The following ZNG1B variants were observed in gnomAD, a reference collection of about 807,000 sequenced individuals.
ZNG1B encodes zinc-regulated GTPase metalloprotein activator 1B.
At chr2:113,455,644 G>A in the ZNG1B span, 1 of 1,286,808 alleles carries the variant, frequency 7.8e-7, no homozygotes, top group Non-Finnish European at 1.0e-6. Context: ...GCCCAAAGCA[G>A]TAATTTCTTA....
the ZNG1B span, chr2:113,482,035 G>A: frequency 0.013 from 13,466 of 1,017,932 alleles, 919 homozygotes; most frequent in African/African-American, 0.17. Flanking sequence ...TGGAATTTGC[G>A]AACAACTTGT....
chr2:113,457,091 C>T, the ZNG1B span: 1 of 454,744 alleles, frequency 2.2e-6, no homozygotes, highest in East Asian at 6.9e-5. Context: ...CTTAAAATGA[C>T]AGCTCTCTAT....
chr2:113,443,295 T>C, the ZNG1B span, among the ~76,000 whole-genome samples: 2 of 151,732 alleles, frequency 1.3e-5, no homozygotes, highest in East Asian at 3.9e-4. Context: ...TGAACTAGGG[T>C]TTTTACTCAT....
chr2:113,476,056 G>T, the ZNG1B span, among the ~76,000 whole-genome samples: 1 of 151,856 alleles, frequency 6.6e-6, no homozygotes, highest in African/African-American at 2.4e-5. Context: ...GATTGGGGAA[G>T]TTCTCCTGGA....
the ZNG1B span, among the ~76,000 whole-genome samples, chr2:113,443,480 T>C: frequency 6.6e-6 from 1 of 151,292 alleles, no homozygotes; most frequent in African/African-American, 2.4e-5. Flanking sequence ...TCAAGATAGC[T>C]ACTTTATTAA....
the ZNG1B span, among the ~76,000 whole-genome samples, chr2:113,438,513 G>A: frequency 5.3e-5 from 8 of 152,284 alleles, no homozygotes; most frequent in South Asian, 1.7e-3. Context: ...TTGGCAGGGA[G>A]CGCTCCTATC....
the ZNG1B span, among the ~76,000 whole-genome samples, chr2:113,448,767 G>T: frequency 3.1e-4 from 47 of 151,946 alleles, no homozygotes; most frequent in Non-Finnish European, 5.6e-4. Flanking sequence ...AGCCTGGCTT[G>T]GTGGTGGGAG....
At chr2:113,486,761 A>T in the ZNG1B span, among the ~76,000 whole-genome samples, 2 of 152,200 alleles carry the variant, frequency 1.3e-5, no homozygotes, top group South Asian at 4.1e-4. Flanking sequence ...ATCTCAAAAA[A>T]ATTTATTAAG....
the ZNG1B span, chr2:113,445,355 G>A: frequency 6.8e-6 from 2 of 293,082 alleles, no homozygotes; most frequent in South Asian, 8.7e-5. Context: ...GAGCAGAGAC[G>A]TTCTACCTCT....
the ZNG1B span, among the ~76,000 whole-genome samples, chr2:113,461,391 G>GTACT: frequency 1.7e-4 from 26 of 151,824 alleles, no homozygotes; most frequent in Admixed American, 1.7e-3. Flanking sequence ...CTGAACTTAA[G>GTACT]TATTTTTGTA....
At chr2:113,479,708 A>G in the ZNG1B span, among the ~76,000 whole-genome samples, 1,061 of 152,126 alleles carry the variant, frequency 7.0e-3, 8 homozygotes, top group African/African-American at 0.019. Context: ...TTAGAACTGT[A>G]TTTTTAATTT....
chr2:113,445,892 T>C, the ZNG1B span, among the ~76,000 whole-genome samples: 1 of 152,046 alleles, frequency 6.6e-6, no homozygotes, highest in Non-Finnish European at 1.5e-5. Context: ...CAGGTCATAG[T>C]TGTCCAAAAG....
the ZNG1B span, among the ~76,000 whole-genome samples, chr2:113,471,425 A>ACTCT: frequency 1.3e-5 from 2 of 149,496 alleles, no homozygotes; most frequent in African/African-American, 4.9e-5. Context: ...CACACAAATA[A>ACTCT]CTCTCTTCAC....
chr2:113,475,795 T>A, the ZNG1B span, among the ~76,000 whole-genome samples: 1 of 152,166 alleles, frequency 6.6e-6, no homozygotes, highest in Admixed American at 6.5e-5. Context: ...AATTCTTTTC[T>A]TTAAGAATGT....
the ZNG1B span, chr2:113,445,300 T>C: frequency 0.11 from 47,472 of 441,882 alleles, 3,040 homozygotes; most frequent in Non-Finnish European, 0.14. Context: ...TGACTTAGGA[T>C]TATTTGTAAG....
At chr2:113,480,257 CA>C in the ZNG1B span, among the ~76,000 whole-genome samples, 1 of 150,962 alleles carries the variant, frequency 6.6e-6, no homozygotes, top group Non-Finnish European at 1.5e-5. Flanking sequence ...CCTCCCATCT[CA>C]GCCTCCTGAG....
chr2:113,486,492 G>A, the ZNG1B span, among the ~76,000 whole-genome samples: 1 of 148,566 alleles, frequency 6.7e-6, no homozygotes, highest in Non-Finnish European at 1.5e-5. Context: ...GGTGGCTTAT[G>A]CTTGTAATCC....
the ZNG1B span, among the ~76,000 whole-genome samples, chr2:113,477,859 C>T: frequency 8.5e-3 from 1,266 of 148,428 alleles, no homozygotes; most frequent in South Asian, 0.015. Flanking sequence ...CACCATTCTA[C>T]ACTCTTTCTG....
chr2:113,459,521 C>A, the ZNG1B span, among the ~76,000 whole-genome samples: 3 of 148,834 alleles, frequency 2.0e-5, no homozygotes, highest in Admixed American at 2.0e-4. Context: ...TGTCATTTTA[C>A]TTGATGGGTG....
Sources: gnomAD v4.1 joint callset for allele counts (sites outside exome capture counted in the v4.1 genomes callset) on GRCh38, gnomAD v4.1.1 for gene constraint, MANE v1.5 for transcripts, NCBI Gene and HGNC (gene_info 2026-07-23, HGNC 2026-07-21) for gene names.